Variants in IL31RA observed in about 807,000 individuals in gnomAD.
IL31RA encodes interleukin 31 receptor A, also known as interleukin-31 receptor subunit alpha.
Under a neutral mutation model 83.7 loss-of-function variants are expected in IL31RA, and 66 were observed. That is an observed-to-expected ratio of 0.79 (90% confidence interval 0.65 to 0.97). IL31RA has a LOEUF of 0.97. Ranked by LOEUF, IL31RA falls within the 50% of genes least tolerant of loss-of-function variation. The pLI is 0.00. For synonymous variants in IL31RA, 325 were observed against 329.0 expected (o/e 0.99, Z 0.13); for missense variants, 798 against 919.4 (o/e 0.87, Z 1.71).
intron 12 of IL31RA, among the ~76,000 whole-genome samples, chr5:55,912,223 T>G (rs1448126612): frequency 6.6e-6 from 1 of 152,216 alleles, no homozygotes; most frequent in Non-Finnish European, 1.5e-5. Flanking sequence ...TTTCAAACCC[T>G]GAATTCTCTG....
chr5:55,868,740 T>C lies in IL31RA; in HGVS notation c.155-51T>C, dbSNP rs188955652. On this transcript the variant is annotated intron_variant, in intron 2 of 14. Coordinates refer to ENST00000652347, the MANE Select transcript of IL31RA (RefSeq NM_139017.7). ...AAATGTTCAATGCTGGCAATATTTA[T>C]TGTGTACTGAAATTTTTGTGTTTGT... is the stretch of plus-strand genomic sequence containing the variant. The C allele has an allele frequency of 5.9e-4, 586 of 1,000,522 alleles. 2 individuals are homozygous for C. In the African/African-American group the frequency reaches 7.1e-3, roughly 12 times the overall value. 62.0% of individuals were successfully genotyped at this position (1,000,522 alleles called of 1,614,324 possible).
At chr5:55,877,610 G>A (rs1222941019) in intron 4 of IL31RA, among the ~76,000 whole-genome samples, 1 of 152,122 alleles carries the variant, frequency 6.6e-6, no homozygotes, top group East Asian at 1.9e-4. Flanking sequence ...GTTTTGCCAG[G>A]TATGTAATTC....
rs778874879 is a variant in IL31RA at position 55,883,244 on chromosome 5, A to G, written c.606+49A>G. ...ATTCCAATTAGAGGCCCAGAGGAAAAGAATCATTGACAACTATTGTTGACC... is the reference window on the plus strand; with the variant it reads ...ATTCCAATTAGAGGCCCAGAGGAAAGGAATCATTGACAACTATTGTTGACC... On this transcript the variant is annotated intron_variant, in intron 5 of 14. Transcript: ENST00000652347. 2.1e-6 allele frequency: 3 copies of G among 1,455,952 alleles called. 1 individual carries two copies. The Admixed American group carries it at 5.0e-5, about 24-fold the overall frequency. The allele number at this position is 1,455,952 out of a possible 1,614,324, so 90.2% of individuals were successfully genotyped here. A position where few individuals can be genotyped will look rare whatever the true frequency, so the allele number is the denominator to read the frequency against.
intron 8 of IL31RA, among the ~76,000 whole-genome samples, chr5:55,905,213 AAAAGAAAG>A (rs1318218933): frequency 2.7e-5 from 4 of 150,550 alleles, no homozygotes; most frequent in South Asian, 2.1e-4. Flanking sequence ...AAAAAAAAAA[AAAAGAAAG>A]AAAGAAAGAA....
chr5:55,883,150 T>C lies in IL31RA; in HGVS notation c.561T>C (p.Asp187=), dbSNP rs1334328350. The change falls in exon 5 of 15, where the codon GAT becomes GAC. Residue 187 remains aspartate, a synonymous_variant. Coordinates refer to ENST00000652347, the MANE Select transcript of IL31RA (RefSeq NM_139017.7). ...CTGAGTTGGCGCCTGTTTCATCTGATTTAAAATACACACTTCGATTCAGGA... is the reference window on the plus strand; with the variant it reads ...CTGAGTTGGCGCCTGTTTCATCTGACTTAAAATACACACTTCGATTCAGGA... ...IKPELAPVSS[D]LKYTLRFRTV... 3.7e-6 allele frequency: 6 copies of C among 1,613,962 alleles called. No homozygotes were observed. In the African/African-American group the frequency reaches 4.0e-5, roughly 11 times the overall value.
Position 55,891,376 on chromosome 5 carries a change from C to T in IL31RA, c.772+1241C>T, listed in dbSNP as rs544542106. ...TGGCTTAATGCAACACTAATGTATT[C>T]TTTCATAGCTCTGGAAGTCAGATGT... On this transcript the variant is annotated intron_variant, in intron 6 of 14. Transcript: ENST00000652347. Among the ~76,000 whole-genome samples, 170 of 152,304 alleles carry T rather than the reference C, an allele frequency of 1.1e-3. 1 individual carries two copies. The highest frequency in any genetic ancestry group is 2.9e-3 in the Admixed American group (44 of 15,294).
At chr5:55,874,013 GTCT>G in intron 4 of IL31RA, among the ~76,000 whole-genome samples, 1 of 152,120 alleles carries the variant, frequency 6.6e-6, no homozygotes, top group South Asian at 2.1e-4. Context: ...GAGTTTTGAA[GTCT>G]TAGTTCCTAC....
upstream of IL31RA, among the ~76,000 whole-genome samples, chr5:55,847,677 C>T (rs1321346103): frequency 6.6e-6 from 1 of 152,162 alleles, no homozygotes; most frequent in Non-Finnish European, 1.5e-5. Context: ...GTACATTTGT[C>T]AAAACTAAAA....
At chr5:55,840,073 G>A in the IL31RA span, 21 of 363,774 alleles carry the variant, frequency 5.8e-5, no homozygotes, top group South Asian at 3.6e-4. Flanking sequence ...ACCTGACTTC[G>A]GCAGGGCTAA....
chr5:55,903,053 A>T lies in IL31RA; in HGVS notation c.1069+2921A>T, dbSNP rs1748922167. Among the ~76,000 whole-genome samples the T allele has an allele frequency of 6.6e-6, 1 of 152,208 alleles. No homozygotes were observed. The highest frequency in any genetic ancestry group is 2.4e-5 in the African/African-American group (1 of 41,450). Reference sequence around the variant, plus strand: ...GATGCTGTGTGACACTGAACTGGTTATTGACCTGTGCGGGCCTCCACGTTC... The same window carrying T: ...GATGCTGTGTGACACTGAACTGGTTTTTGACCTGTGCGGGCCTCCACGTTC... On this transcript the variant is annotated intron_variant, in intron 8 of 14. Transcript: ENST00000652347. This position sits in a 1 kb window ranked among gnomAD's most constrained non-coding sequence, Gnocchi z 4.7.
upstream of IL31RA, among the ~76,000 whole-genome samples, chr5:55,847,755 T>A (rs1744970713): frequency 6.6e-6 from 1 of 152,338 alleles, no homozygotes; most frequent in South Asian, 2.1e-4. Context: ...CACCAGTTTT[T>A]CCATTAATGT....
Position 55,910,564 on chromosome 5 carries a change from G to T in IL31RA, c.1534G>T (p.Gly512Cys), listed in dbSNP as rs150072056. Residue 512 changes from glycine to cysteine, a missense_variant, in exon 12 of 15, where the codon GGC becomes TGC. Physicochemically the swap from Gly to Cys is radical, Grantham distance 159. Transcript: ENST00000652347. The stretch of plus-strand genomic sequence containing the variant: ...AGTCAATTCCAGCATCTTGCAGTAC[G>T]GCCTGGAGTCCCTGAAACGAAAGAC... ...KTVNSSILQY[G>C]LESLKRKTSY... 6.2e-7 allele frequency: 1 copy of T among 1,614,070 alleles called. No homozygotes were observed. Among genetic ancestry groups the T allele is most frequent in the East Asian group, 2.2e-5 (1 of 44,880 alleles).
intron 5 of IL31RA, among the ~76,000 whole-genome samples, chr5:55,887,693 T>C (rs1329268226): frequency 6.6e-6 from 1 of 152,102 alleles, no homozygotes; most frequent in African/African-American, 2.4e-5. Context: ...GAGACCATCC[T>C]GGCCAACACG....
upstream of IL31RA, among the ~76,000 whole-genome samples, chr5:55,847,242 TAAAAATAAATA>T (rs200364598): frequency 0.18 from 21,247 of 114,976 alleles, 2,353 homozygotes; most frequent in Non-Finnish European, 0.24. Context: ...AAAAAAAAAA[TAAAAATAAATA>T]AATAAATAAA....
In IL31RA at chr5:55,920,638, T is replaced by C. The variant is rs1308932473; in HGVS notation, c.*3518T>C. Among the ~76,000 whole-genome samples the C allele has an allele frequency of 6.6e-6, 1 of 152,216 alleles. No individual in the cohort carries two copies. Among genetic ancestry groups the C allele is most frequent in the Non-Finnish European group, 1.5e-5 (1 of 68,030 alleles). ...TTTGCAGAAAAAATTTGTGGACGCCTACCATAACCCACAGACATGAAACTC... is the reference window on the plus strand; with the variant it reads ...TTTGCAGAAAAAATTTGTGGACGCCCACCATAACCCACAGACATGAAACTC... On this transcript the variant is annotated 3_prime_UTR_variant, in exon 15 of 15. Transcript: ENST00000652347.
At chr5:55,873,665 C>T (rs1396035111) in intron 4 of IL31RA, among the ~76,000 whole-genome samples, 2 of 152,012 alleles carry the variant, frequency 1.3e-5, no homozygotes, top group Non-Finnish European at 2.9e-5. Flanking sequence ...TGATATTGAA[C>T]ATTTTTCATG....
chr5:55,912,506 A>G (rs1467417112), intron 12 of IL31RA, among the ~76,000 whole-genome samples: 1 of 152,236 alleles, frequency 6.6e-6, no homozygotes, highest in African/African-American at 2.4e-5. Context: ...CACCTTAGCT[A>G]AAGTTGCTGT....
Position 55,906,239 on chromosome 5 carries a change from C to G in IL31RA, c.1203C>G (p.Thr401=). The part of the protein sequence containing the change: ...WFPDVDSEPT[T]LSWESVSQAT... ...CGGATGTGGACTCAGAGCCCACCAC[C>G]CTTTCCTGGGAATCTGTGTCTCAGG... The change falls in exon 9 of 15, where the codon ACC becomes ACG. Residue 401 remains threonine, a synonymous_variant. Coordinates refer to ENST00000652347, the MANE Select transcript of IL31RA (RefSeq NM_139017.7). The G allele has an allele frequency of 1.2e-6, 2 of 1,614,126 alleles. No individual in the cohort carries two copies. The highest frequency in any genetic ancestry group is 1.1e-5 in the South Asian group (1 of 91,076).
Position 55,859,566 on chromosome 5 carries a change from A to G in IL31RA, c.121A>G (p.Met41Val), listed in dbSNP as rs1317398055. The change falls in exon 2 of 15, where the codon ATG (methionine) becomes GTG (valine). Residue 41 changes from methionine (M) to valine (V), a missense_variant. Transcript: ENST00000652347. Reference protein sequence around the residue: ...LGMMWTWALWMLPSLCKFSLA... With the variant: ...LGMMWTWALWVLPSLCKFSLA... Reference sequence around the variant, plus strand: ...GATGATGTGGACCTGGGCACTGTGGATGCTCCCCTCACTCTGCAAATTCAG... The same window carrying G: ...GATGATGTGGACCTGGGCACTGTGGGTGCTCCCCTCACTCTGCAAATTCAG... The G allele has an allele frequency of 6.2e-7, 1 of 1,612,874 alleles. No individual in the cohort carries two copies. Among genetic ancestry groups the G allele is most frequent in the Non-Finnish European group, 8.5e-7 (1 of 1,179,054 alleles).
Sources: gnomAD v4.1 joint callset for allele counts (sites outside exome capture counted in the v4.1 genomes callset) on GRCh38, gnomAD v4.1.1 for gene constraint, Gnocchi (gnomAD v3.1) non-coding constraint, MANE v1.5 for transcripts, NCBI Gene and HGNC (gene_info 2026-07-23, HGNC 2026-07-21) for gene names.